Variants in RPH3A observed in about 807,000 individuals in gnomAD.
RPH3A encodes rabphilin-3A.
Under a neutral mutation model 102.2 loss-of-function variants are expected in RPH3A, and 48 were observed. The ratio of observed to expected loss-of-function variants is 0.47; its 90% CI spans 0.37 to 0.60. RPH3A has a LOEUF of 0.60. Ranked by LOEUF, RPH3A falls within the 20% of genes least tolerant of loss-of-function variation. The pLI is 0.00. For missense variants in RPH3A, 781 were observed against 910.1 expected, an observed-to-expected ratio of 0.86 and a Z score of 1.83; for synonymous variants, 310 against 324.3, an observed-to-expected ratio of 0.96 and a Z score of 0.47.
intron 1 of RPH3A, among the ~76,000 whole-genome samples, chr12:112,765,853 TAGCTG>T (rs2040885125): frequency 6.6e-6 from 1 of 152,168 alleles, no homozygotes; most frequent in African/African-American, 2.4e-5. Context: ...CCATTCATAT[TAGCTG>T]AGATAAAAAT....
intron 1 of RPH3A, among the ~76,000 whole-genome samples, chr12:112,748,072 G>T (rs2040760673): frequency 6.6e-6 from 1 of 152,194 alleles, no homozygotes; most frequent in African/African-American, 2.4e-5. Flanking sequence ...AGTCCAGCGT[G>T]TGCCCTGGAA....
chr12:112,721,801 G>T (rs2040553181), intron 1 of RPH3A, among the ~76,000 whole-genome samples: 1 of 152,008 alleles, frequency 6.6e-6, no homozygotes, highest in African/African-American at 2.4e-5. Context: ...AGTTACATAT[G>T]ACCCAATGAA....
intron 1 of RPH3A, among the ~76,000 whole-genome samples, chr12:112,602,469 A>T (rs983458819): frequency 6.6e-6 from 1 of 152,166 alleles, no homozygotes; most frequent in African/African-American, 2.4e-5. Flanking sequence ...ACACTTGATG[A>T]CTGTTTTTGG....
chr12:112,586,924 T>C (rs560150888), intron 1 of RPH3A, among the ~76,000 whole-genome samples: 20 of 152,326 alleles, frequency 1.3e-4, no homozygotes, highest in African/African-American at 3.8e-4. Flanking sequence ...GATAGATCCC[T>C]TATGGAGCTG....
At chr12:112,840,630 C>A (rs1462198024) in intron 4 of RPH3A, among the ~76,000 whole-genome samples, 1 of 152,198 alleles carries the variant, frequency 6.6e-6, no homozygotes, top group Non-Finnish European at 1.5e-5. Context: ...CTATCACAGG[C>A]TGCCCCTCTG....
intron 13 of RPH3A, among the ~76,000 whole-genome samples, chr12:112,877,641 G>A (rs1044061196): frequency 1.3e-5 from 2 of 152,186 alleles, no homozygotes; most frequent in African/African-American, 2.4e-5. Context: ...GCTGTGACCA[G>A]CAACACGGCC....
At chr12:112,837,670 A>G (rs2042075502) in intron 4 of RPH3A, 1 of 441,406 alleles carries the variant, frequency 2.3e-6, no homozygotes, top group African/African-American at 2.0e-5. Context: ...CTATGAAATC[A>G]TGAATATATT....
At chr12:112,701,682 G>A (rs2136029353) in intron 1 of RPH3A, among the ~76,000 whole-genome samples, 1 of 152,314 alleles carries the variant, frequency 6.6e-6, no homozygotes, top group Non-Finnish European at 1.5e-5. Context: ...GAGTTCTAAT[G>A]TCTATTCCAA....
At chr12:112,684,456 C>T (rs1335715638) in intron 1 of RPH3A, among the ~76,000 whole-genome samples, 1 of 151,592 alleles carries the variant, frequency 6.6e-6, no homozygotes, top group African/African-American at 2.4e-5. Context: ...TTAGTAGAGA[C>T]AGGGTTATGC....
intron 2 of RPH3A, among the ~76,000 whole-genome samples, chr12:112,796,031 C>G (rs1287930708): frequency 2.0e-5 from 3 of 152,154 alleles, no homozygotes; most frequent in Non-Finnish European, 4.4e-5. Flanking sequence ...GAGCTGCCAG[C>G]CCCTCTTGTT....
Position 112,791,903 on chromosome 12 carries a change from A to AGAGAGAGAGAGAGAGAGAGAGAGAGAGG in RPH3A, c.-247_-246insGAGAGAGAGAGAGAGAGAGAGAGAGGGA, listed in dbSNP as rs1565882498. 30 of 150,316 alleles carry AGAGAGAGAGAGAGAGAGAGAGAGAGAGG rather than the reference A, an allele frequency of 2.0e-4. No homozygotes were observed. The highest frequency in any genetic ancestry group is 2.4e-4 in the Non-Finnish European group (16 of 67,184). The allele number at this position is 150,316 out of a possible 1,614,324, so 9.3% of individuals were successfully genotyped here. A position where few individuals can be genotyped will look rare whatever the true frequency, so the allele number is the denominator to read the frequency against. Reference sequence around the variant, plus strand: ...GAGAGAGAGAGAGAGAGAGAGAGAGAGACTCACAGAGCTAAAACCTTCATC... The same window carrying AGAGAGAGAGAGAGAGAGAGAGAGAGAGG: ...GAGAGAGAGAGAGAGAGAGAGAGAGAGAGAGAGAGAGAGAGAGAGAGAGAGAGGGACTCACAGAGCTAAAACCTTCATC... On this transcript the variant is annotated 5_prime_UTR_variant, in exon 1 of 22. Coordinates refer to ENST00000389385, the MANE Select transcript of RPH3A (RefSeq NM_001143854.2).
chr12:112,629,332 A>G (rs1260685185), intron 1 of RPH3A, among the ~76,000 whole-genome samples: 2 of 151,294 alleles, frequency 1.3e-5, no homozygotes, highest in Non-Finnish European at 2.9e-5. Flanking sequence ...TACCAAAACA[A>G]GAAAAAGCTT....
At chr12:112,662,379 TCATC>T (rs1217808847) in intron 1 of RPH3A, among the ~76,000 whole-genome samples, 2 of 152,256 alleles carry the variant, frequency 1.3e-5, no homozygotes, top group East Asian at 1.9e-4. Context: ...GTCCATCCAT[TCATC>T]CATCCATCCA....
At chr12:112,892,951 T>TC (rs1280879836) in intron 19 of RPH3A, 1 of 152,176 alleles carries the variant, frequency 6.6e-6, no homozygotes, top group Non-Finnish European at 1.5e-5. Context: ...AACACACAGG[T>TC]CAGGGACAAG....
At chr12:112,791,282 C>CT (rs2041097379), upstream of RPH3A, 2 of 152,256 alleles carry the variant, frequency 1.3e-5, no homozygotes, top group African/African-American at 4.8e-5. Context: ...GTGCCAAGCT[C>CT]TTGTCTGAGC....
chr12:112,688,641 T>C (rs962722806), intron 1 of RPH3A, among the ~76,000 whole-genome samples: 1 of 152,208 alleles, frequency 6.6e-6, no homozygotes, highest in Non-Finnish European at 1.5e-5. Context: ...ACTTAGTACC[T>C]ACTAAGTGCT....
upstream of RPH3A, among the ~76,000 whole-genome samples, chr12:112,789,564 T>C (rs528397722): frequency 6.6e-6 from 1 of 152,248 alleles, no homozygotes; most frequent in South Asian, 2.1e-4. Context: ...ATTTGCAAGA[T>C]GGGAATAATA....
intron 1 of RPH3A, among the ~76,000 whole-genome samples, chr12:112,664,300 T>C (rs934138969): frequency 6.6e-6 from 1 of 152,032 alleles, no homozygotes; most frequent in African/African-American, 2.4e-5. Context: ...GAGTTAGGAT[T>C]ATGTCATGAA....
chr12:112,700,187 A>G (rs1054002388), intron 1 of RPH3A, among the ~76,000 whole-genome samples: 32 of 151,726 alleles, frequency 2.1e-4, no homozygotes, highest in African/African-American at 7.8e-4. Context: ...CTCCTGCCTC[A>G]GCCTCCCAAG....
Sources: gnomAD v4.1 joint callset for allele counts (sites outside exome capture counted in the v4.1 genomes callset) on GRCh38, gnomAD v4.1.1 for gene constraint, MANE v1.5 for transcripts, NCBI Gene and HGNC (gene_info 2026-07-23, HGNC 2026-07-21) for gene names.